Variants in SYNE1 observed in about 807,000 individuals in gnomAD.
SYNE1 encodes nesprin-1.
A neutral mutation model predicts 1,111.0 loss-of-function variants in SYNE1; 616 were observed. That is an observed-to-expected ratio of 0.55 (90% CI 0.52 to 0.59). The LOEUF (loss-of-function observed/expected upper bound fraction) is 0.59. SYNE1 is among the 20% of genes least tolerant of loss of function. The pLI is 0.00. For missense variants in SYNE1, 10,006 were observed against 10,417.0 expected, an observed-to-expected ratio of 0.96 and a Z score of 1.72; for synonymous variants, 3,855 against 3,825.8, an observed-to-expected ratio of 1.01 and a Z score of -0.28.
intron 45 of SYNE1, 46 bp from the exon 46 acceptor site, chr6:152,404,360 T>C: frequency 1.4e-6 from 2 of 1,383,862 alleles, no homozygotes; most frequent in Non-Finnish European, 2.1e-6. Flanking sequence ...ACTGACATGC[T>C]ATATTTGGCA....
chr6:152,588,959 T>A (rs1285171877), intron 3 of SYNE1, among the ~76,000 whole-genome samples: 2 of 139,726 alleles, frequency 1.4e-5, no homozygotes, highest in Admixed American at 1.4e-4. Flanking sequence ...TCTTTTTCTC[T>A]TTTTTTTTTC....
intron 11 of SYNE1, among the ~76,000 whole-genome samples, chr6:152,489,457 C>CTTTTT (rs3076635): frequency 0.029 from 3,267 of 112,172 alleles, 216 homozygotes; most frequent in African/African-American, 0.1. Context: ...CTTGGTGTGT[C>CTTTTT]TTTTTTTTTT....
chr6:152,443,163 A>G (rs2154236177), intron 30 of SYNE1, among the ~76,000 whole-genome samples: 1 of 152,366 alleles, frequency 6.6e-6, no homozygotes, highest in Middle Eastern at 3.4e-3. Context: ...AAATATTAAC[A>G]TAAATATCTA....
intron 3 of SYNE1, among the ~76,000 whole-genome samples, chr6:152,553,644 T>C (rs147470533): frequency 2.3e-3 from 345 of 152,240 alleles, no homozygotes; most frequent in African/African-American, 7.9e-3. Flanking sequence ...TTGAGCCTCC[T>C]CAACAGAGCA....
chr6:152,552,273 T>C (rs970273396), intron 3 of SYNE1, among the ~76,000 whole-genome samples: 1 of 152,158 alleles, frequency 6.6e-6, no homozygotes, highest in African/African-American at 2.4e-5. Flanking sequence ...TCGTTGCTTT[T>C]CATCAAATTA....
intron 101 of SYNE1, among the ~76,000 whole-genome samples, chr6:152,260,529 C>G (rs574390244): frequency 1.3e-5 from 2 of 152,018 alleles, no homozygotes; most frequent in African/African-American, 4.8e-5. Flanking sequence ...AGCCTCCTGG[C>G]CAGAGAGGGA....
chr6:152,155,622 C>A (rs909871054), intron 132 of SYNE1, among the ~76,000 whole-genome samples: 1 of 152,206 alleles, frequency 6.6e-6, no homozygotes, highest in African/African-American at 2.4e-5. Context: ...ACTGTTCTCA[C>A]AGCCACACAT....
intron 3 of SYNE1, among the ~76,000 whole-genome samples, chr6:152,578,213 A>G (rs1184081623): frequency 2.0e-5 from 3 of 152,212 alleles, no homozygotes; most frequent in African/African-American, 4.8e-5. Flanking sequence ...AGGAAGTTAC[A>G]TGGAAATACA....
chr6:152,445,812 T>C (rs988260119), intron 29 of SYNE1, among the ~76,000 whole-genome samples: 9 of 152,158 alleles, frequency 5.9e-5, no homozygotes, highest in Non-Finnish European at 1.0e-4. Context: ...GGGCTGAATG[T>C]GCCACATCCA....
At position 152,629,595 on chromosome 6, in the gene SYNE1, T is replaced by C. The variant is rs529405435; in HGVS notation, c.-223-1041A>G. ...TGGGAAGAGGTAGGAGAGTAGTCGTTGAAATCTTGATATTGCAAAATGTAC... is the reference window on the plus strand; with the variant it reads ...TGGGAAGAGGTAGGAGAGTAGTCGTCGAAATCTTGATATTGCAAAATGTAC... On this transcript the variant is annotated intron_variant, in intron 2 of 145. Coordinates refer to ENST00000367255, the MANE Select transcript of SYNE1 (RefSeq NM_182961.4). 5.5e-5 allele frequency among the ~76,000 whole-genome samples: 8 copies of C among 146,330 alleles called. 1 individual carries two copies. In the South Asian group the frequency reaches 1.7e-3, roughly 32 times the overall value.
At chr6:152,209,516 G>A (rs2077131390) in intron 124 of SYNE1, among the ~76,000 whole-genome samples, 3 of 152,208 alleles carry the variant, frequency 2.0e-5, no homozygotes, top group Admixed American at 6.5e-5. Context: ...TTGGGAGGCC[G>A]AGGTGGGTGG....
intron 91 of SYNE1, among the ~76,000 whole-genome samples, chr6:152,303,086 A>G (rs2095253794): frequency 6.7e-6 from 1 of 148,374 alleles, no homozygotes; most frequent in Non-Finnish European, 1.5e-5. Context: ...CTAAAAGTAC[A>G]AAACTATTAT....
chr6:152,249,059 G>A, intron 105 of SYNE1, 102 bp downstream of exon 105: 4 of 811,386 alleles, frequency 4.9e-6, no homozygotes, highest in East Asian at 2.6e-5. Flanking sequence ...AAACAAAAGT[G>A]CCACTGTGAG....
chr6:152,563,540 G>A (rs1421689032), intron 3 of SYNE1, among the ~76,000 whole-genome samples: 2 of 152,028 alleles, frequency 1.3e-5, no homozygotes, highest in East Asian at 3.9e-4. Flanking sequence ...TTCACAATGA[G>A]AAATATATCA....
At chr6:152,435,580 T>C in intron 33 of SYNE1, 1 of 259,806 alleles carries the variant, frequency 3.8e-6, no homozygotes, top group East Asian at 7.6e-5. Context: ...AATATCTCCT[T>C]TTCGCTCTAA....
At chr6:152,541,617 G>A (rs906448291) in intron 3 of SYNE1, among the ~76,000 whole-genome samples, 4 of 151,776 alleles carry the variant, frequency 2.6e-5, no homozygotes, top group Admixed American at 6.6e-5. Context: ...GTGTGCTGGC[G>A]GGCCTCTGTA....
chr6:152,606,294 A>G (rs1182941067), intron 3 of SYNE1, among the ~76,000 whole-genome samples: 1 of 152,138 alleles, frequency 6.6e-6, no homozygotes, highest in Non-Finnish European at 1.5e-5. Flanking sequence ...TCTGGGGGCT[A>G]CCCGGCATTA....
chr6:152,311,779 A>G (rs2171759), intron 87 of SYNE1, among the ~76,000 whole-genome samples: 2 of 111,486 alleles, frequency 1.8e-5, no homozygotes, highest in Non-Finnish European at 4.0e-5. Context: ...TAGACTATTT[A>G]TTTATTTCTT....
chr6:152,325,919 T>C (rs1374134668), intron 80 of SYNE1, 39 bp downstream of exon 80: 2 of 1,612,722 alleles, frequency 1.2e-6, no homozygotes, highest in East Asian at 4.5e-5. Context: ...ATTATAATTA[T>C]AGAAAAAGGA....
Sources: gnomAD v4.1 joint callset for allele counts (sites outside exome capture counted in the v4.1 genomes callset) on GRCh38, gnomAD v4.1.1 for gene constraint, MANE v1.5 for transcripts, NCBI Gene and HGNC (gene_info 2026-07-23, HGNC 2026-07-21) for gene names.